CLSPN: variants seen among roughly 807,000 people sequenced by gnomAD.
CLSPN encodes claspin.
In CLSPN, 85 loss-of-function variants were observed where a neutral mutation model predicts 156.3. The observed-to-expected ratio is 0.54, with a 90% CI of 0.46 to 0.65. The LOEUF (loss-of-function observed/expected upper bound fraction) is 0.65, where lower values mean the gene tolerates loss of function less well. CLSPN is among the 30% of genes least tolerant of loss of function. The probability of loss-of-function intolerance (pLI) is 0.00; values close to 1 mark genes in which losing one functional copy is unlikely to be tolerated. For synonymous variants in CLSPN, 534 were observed against 542.4 expected, an observed-to-expected ratio of 0.98 and a Z score of 0.22; for missense variants, 1,407 against 1,554.9, an observed-to-expected ratio of 0.90 and a Z score of 1.60.
intron 5 of CLSPN, 111 bp downstream of exon 5, chr1:35,762,293 T>C: frequency 1.0e-6 from 1 of 1,000,312 alleles, no homozygotes; most frequent in Non-Finnish European, 1.5e-6. Flanking sequence ...CAAAGCAATA[T>C]GATGGGTAAC....
At position 35,739,461 on chromosome 1, in the gene CLSPN, T is replaced by C; in HGVS notation, c.3212A>G (p.Tyr1071Cys). Residue 1071 changes from tyrosine to cysteine, a missense_variant, in exon 19 of 25, where the codon TAT becomes TGT. By Grantham distance (194) the Tyr-to-Cys change is radical (BLOSUM62 -2). Around this residue, in one of 3 missense-constraint regions of CLSPN, gnomAD observed 70 missense variants for 121.5 expected, o/e 0.58. Transcript: ENST00000318121. The stretch of plus-strand genomic sequence containing the variant: ...ATATTCATCAATTTCTTCCCCATCA[T>C]ACTCATCTTCGCTTCCCACATCACT... ...SGSDVGSEDE[Y>C]DGEEIDEYEE... 1 of 1,614,050 alleles carries C rather than the reference T, an allele frequency of 6.2e-7. No individual in the cohort carries two copies. The highest frequency in any genetic ancestry group is 8.5e-7 in the Non-Finnish European group (1 of 1,179,950).
chr1:35,741,915 A>T (rs1032196804), intron 18 of CLSPN, among the ~76,000 whole-genome samples: 8 of 129,910 alleles, frequency 6.2e-5, no homozygotes, highest in African/African-American at 2.3e-4. Flanking sequence ...CGGAGGTTGC[A>T]GTGAGCCGAG....
chr1:35,723,320 A>G (rs1388878937), intron 24 of CLSPN, among the ~76,000 whole-genome samples: 2 of 152,200 alleles, frequency 1.3e-5, no homozygotes, highest in Non-Finnish European at 2.9e-5. Context: ...TCAAGACCCA[A>G]TGATGGACAG....
Position 35,733,923 on chromosome 1 carries a change from T to G in CLSPN, c.*2573A>C. The G allele has an allele frequency of 3.8e-5, 31 of 824,738 alleles. No individual in the cohort carries two copies. Among genetic ancestry groups the G allele is most frequent in the East Asian group, 1.2e-4 (1 of 8,042 alleles). The allele number at this position is 824,738 out of a possible 1,614,324, so 51.1% of individuals were successfully genotyped here. A position where few individuals can be genotyped will look rare whatever the true frequency, so the allele number is the denominator to read the frequency against. On this transcript the variant is annotated 3_prime_UTR_variant, in exon 25 of 25. Transcript: ENST00000318121. ...GAAGCCCAGGAGTTCAAGGGTACAG[T>G]GAGCTATGATTGTGCCACTGCACTC...
chr1:35,742,839 T>G (rs1300999209), intron 18 of CLSPN, among the ~76,000 whole-genome samples: 2 of 150,864 alleles, frequency 1.3e-5, no homozygotes, highest in Non-Finnish European at 2.9e-5. Flanking sequence ...CTCCACCTCC[T>G]GGGTGCAAGC....
intron 8 of CLSPN, among the ~76,000 whole-genome samples, chr1:35,754,771 C>A (rs570081232): frequency 6.6e-6 from 1 of 152,212 alleles, no homozygotes; most frequent in African/African-American, 2.4e-5. Context: ...AAAACTGTTA[C>A]ACTAGTACAA....
chr1:35,751,334 C>T lies in CLSPN; in HGVS notation c.1944G>A (p.Glu648=), dbSNP rs781569324. 6.3e-7 allele frequency: 1 copy of T among 1,593,664 alleles called. No individual in the cohort carries two copies. Among genetic ancestry groups the T allele is most frequent in the South Asian group, 1.1e-5 (1 of 90,704 alleles). Residue 648 remains glutamate (E), a synonymous_variant, in exon 10 of 25, where the codon GAG becomes GAA. Coordinates refer to ENST00000318121, the MANE Select transcript of CLSPN (RefSeq NM_022111.4). Reference sequence around the variant, plus strand: ...CCTCTTTCTCTTCTTTCTCTACCTTCTCTTCTCCATCTTCCTCAGACTCAT... The same window carrying T: ...CCTCTTTCTCTTCTTTCTCTACCTTTTCTTCTCCATCTTCCTCAGACTCAT... ...MTDESEEDGE[E]KVEKEEKEEE...
intron 16 of CLSPN, among the ~76,000 whole-genome samples, chr1:35,744,476 T>C (rs949424320): frequency 1.3e-5 from 2 of 152,078 alleles, no homozygotes; most frequent in African/African-American, 4.8e-5. Flanking sequence ...GTATTTTTTT[T>C]ATAGGGATGG....
At chr1:35,722,745 C>T (rs373109283) in intron 24 of CLSPN, among the ~76,000 whole-genome samples, 31 of 152,220 alleles carry the variant, frequency 2.0e-4, no homozygotes, top group African/African-American at 7.2e-4. Flanking sequence ...GATTCTCATG[C>T]CTCAGCCTCC....
intron 15 of CLSPN, 37 bp from the exon 16 acceptor site, chr1:35,745,599 A>C (rs759647048): frequency 7.2e-7 from 1 of 1,385,956 alleles, no homozygotes; most frequent in South Asian, 1.2e-5. Flanking sequence ...TCACCAAGGA[A>C]TGATAGCTTT....
In CLSPN at chr1:35,749,455, A is replaced by G. The variant is rs1391806355; in HGVS notation, c.2272+12T>C. The G allele has an allele frequency of 1.4e-5, 22 of 1,613,050 alleles. 1 individual carries two copies. Among genetic ancestry groups the G allele is most frequent in the South Asian group, 2.2e-5 (2 of 91,042 alleles). ...AAGAAATGTTAAGTTCTGCACAAGA[A>G]TCACTACTTACCCAGTTTGCTAGGC... is the stretch of plus-strand genomic sequence containing the variant. On this transcript the variant is annotated intron_variant, in intron 12 of 24. Coordinates refer to ENST00000318121, the MANE Select transcript of CLSPN (RefSeq NM_022111.4).
At position 35,734,684 on chromosome 1, in the gene CLSPN, A is replaced by AAG. The variant is rs1224157945; in HGVS notation, c.*1811_*1812insCT. On this transcript the variant is annotated 3_prime_UTR_variant, in exon 25 of 25. Coordinates refer to ENST00000318121, the MANE Select transcript of CLSPN (RefSeq NM_022111.4). ...CAGAGCCAGCCTATGTCTCAAAAAA[A>AAG]AAAAAAGAAAAGAAAAGAAAAGAAA... The AAG allele has an allele frequency of 1.1e-5, 10 of 915,088 alleles. No homozygotes were observed. The highest frequency in any genetic ancestry group is 1.3e-5 in the Non-Finnish European group (10 of 766,488). 56.7% of individuals were successfully genotyped at this position (915,088 alleles called of 1,614,324 possible).
At chr1:35,731,446 G>A (rs1385462266), downstream of CLSPN, among the ~76,000 whole-genome samples, 1 of 152,194 alleles carries the variant, frequency 6.6e-6, no homozygotes, top group Admixed American at 6.5e-5. Flanking sequence ...CATCGGCCAT[G>A]AGAAGTTTGA....
Position 35,760,794 on chromosome 1 carries a change from T to C in CLSPN, c.1127A>G (p.Glu376Gly), listed in dbSNP as rs778969522. 4.3e-6 allele frequency: 7 copies of C among 1,613,814 alleles called. No homozygotes were observed. Among genetic ancestry groups the C allele is most frequent in the South Asian group, 2.2e-5 (2 of 91,082 alleles). The change falls in exon 8 of 25, where the codon GAA (glutamate) becomes GGA (glycine). Residue 376 changes from glutamate (E) to glycine (G), a missense_variant. Around this residue, in one of 3 missense-constraint regions of CLSPN, gnomAD observed 1,096 missense variants for 1,193.0 expected, o/e 0.92. Coordinates refer to ENST00000318121, the MANE Select transcript of CLSPN (RefSeq NM_022111.4). ...TGAAACTACAGGGAGTGCATTAGTT[T>C]CCACTTCATTTTCTGCACCTGTTGT... ...EQTTGAENEV[E>G]TNALPVVSKE... is the part of the protein sequence containing the mutation.
intron 16 of CLSPN, 75 bp downstream of exon 16, chr1:35,745,376 C>A (rs1641841716): frequency 1.0e-6 from 1 of 994,754 alleles, no homozygotes; most frequent in Non-Finnish European, 1.6e-6. Context: ...AGGTGCAAAG[C>A]CCTTAAGATG....
Position 35,735,863 on chromosome 1 carries a change from C to T in CLSPN, c.*633G>A. The stretch of plus-strand genomic sequence containing the variant: ...CTCTTCCAACCACTTCTATCAATCA[C>T]AAAGAGATATTAACCCAGAAAGCTG... On this transcript the variant is annotated 3_prime_UTR_variant, in exon 25 of 25. Coordinates refer to ENST00000318121, the MANE Select transcript of CLSPN (RefSeq NM_022111.4). The T allele has an allele frequency of 1.0e-6, 1 of 985,276 alleles. No individual in the cohort carries two copies. The highest frequency in any genetic ancestry group is 1.2e-6 in the Non-Finnish European group (1 of 829,902). 61.0% of individuals were successfully genotyped at this position (985,276 alleles called of 1,614,324 possible).
intron 24 of CLSPN, among the ~76,000 whole-genome samples, chr1:35,725,314 C>A (rs753692065): frequency 6.6e-6 from 1 of 152,136 alleles, no homozygotes; most frequent in Non-Finnish European, 1.5e-5. Flanking sequence ...AATATAAATT[C>A]TTTCTCTCCA....
Position 35,734,695 on chromosome 1 carries a change from A to G in CLSPN, c.*1801T>C. ...TATGTCTCAAAAAAAAAAAAAGAAAAGAAAAGAAAAGAAAAAGAAAAAGAA... is the reference window on the plus strand; with the variant it reads ...TATGTCTCAAAAAAAAAAAAAGAAAGGAAAAGAAAAGAAAAAGAAAAAGAA... On this transcript the variant is annotated 3_prime_UTR_variant, in exon 25 of 25. Coordinates refer to ENST00000318121, the MANE Select transcript of CLSPN (RefSeq NM_022111.4). The G allele has an allele frequency of 1.1e-6, 1 of 928,438 alleles. No individual in the cohort carries two copies. The highest frequency in any genetic ancestry group is 1.3e-6 in the Non-Finnish European group (1 of 778,384). The allele number at this position is 928,438 out of a possible 1,614,324, so 57.5% of individuals were successfully genotyped here.
chr1:35,749,691 T>G lies in CLSPN; in HGVS notation c.2149A>C (p.Lys717Gln). ...AAAGTAGAATCTGATGAGAGAGACT[T>G]GGGAACAGAGAGGAAGCCAACTGCC... ...GKAVGFLSVP[K>Q]SLSSDSTLLL... is the part of the protein sequence containing the mutation. The change falls in exon 11 of 25, where the codon AAG becomes CAG. Residue 717 changes from lysine to glutamine, a missense_variant. Lys to Gln is a moderately conservative substitution (Grantham distance 53, BLOSUM62 1). This residue lies in a region of CLSPN where 1,096 missense variants were observed against 1,193.0 expected (regional missense o/e 0.92). Coordinates refer to ENST00000318121, the MANE Select transcript of CLSPN (RefSeq NM_022111.4). The G allele has an allele frequency of 6.2e-7, 1 of 1,614,168 alleles. No individual in the cohort carries two copies. Among genetic ancestry groups the G allele is most frequent in the South Asian group, 1.1e-5 (1 of 91,088 alleles).
Sources: allele counts gnomAD v4.1 joint callset (sites outside exome capture counted in the v4.1 genomes callset), GRCh38; gene constraint gnomAD v4.1.1; regional missense constraint gnomAD v4.1.1; transcripts MANE v1.5; gene names NCBI Gene and HGNC (gene_info 2026-07-23, HGNC 2026-07-21).